The following DNPH1 variants were observed in gnomAD, a reference collection of about 807,000 sequenced individuals.
DNPH1 encodes the protein 5-hydroxymethyl-dUMP N-hydrolase.
DNPH1 carries 18 observed loss-of-function variants against 15.7 expected under a neutral mutation model. The observed-to-expected ratio is 1.15, with a 90% CI of 0.79 to 1.70. DNPH1 has a LOEUF of 1.70. Ranked by LOEUF, DNPH1 falls within the 40% of genes most tolerant of loss-of-function variation. The pLI is 0.00. For missense variants in DNPH1, 262 were observed against 255.2 expected (o/e 1.03, Z -0.18); for synonymous variants, 114 against 107.9 (o/e 1.06, Z -0.35).
chr6:43,226,557 A>C lies in DNPH1; in HGVS notation c.197-162T>G, dbSNP rs1776746691. 3.1e-6 allele frequency: 2 copies of C among 635,658 alleles called. No individual in the cohort carries two copies. The highest frequency in any genetic ancestry group is 3.7e-5 in the African/African-American group (2 of 54,296). The allele number at this position is 635,658 out of a possible 1,614,324, so 39.4% of individuals were successfully genotyped here. ...CTCATCAAAGCAGCGAGGAAATGGA[A>C]TAGCCACAAAAAGAAAAATTCAACC... On this transcript the variant is annotated intron_variant, in intron 1 of 3. Transcript: ENST00000230431. The surrounding 1 kb of genome is among the most constrained non-coding windows in gnomAD (Gnocchi z 4.1).
chr6:43,229,184 G>T (rs748134607), intron 1 of DNPH1, 77 bp downstream of exon 1: 19 of 1,269,938 alleles, frequency 1.5e-5, no homozygotes, highest in South Asian at 9.1e-5. Context: ...GGGTCGGGGG[G>T]GCGGACAGGC....
Position 43,226,613 on chromosome 6 carries a change from G to A in DNPH1, c.197-218C>T, listed in dbSNP as rs1776747830. ...CAAGGTGGGACATGTGATTAGGGCC[G>A]AATGAGGAACATCAGCAGCACTAAC... On this transcript the variant is annotated intron_variant, in intron 1 of 3. Transcript: ENST00000230431. The surrounding 1 kb of genome is among the most constrained non-coding windows in gnomAD (Gnocchi z 4.1). 3 of 554,616 alleles carry A rather than the reference G, an allele frequency of 5.4e-6. No homozygotes were observed. Among genetic ancestry groups the A allele is most frequent in the South Asian group, 2.4e-5 (1 of 41,552 alleles). 34.4% of individuals were successfully genotyped at this position (554,616 alleles called of 1,614,324 possible).
At position 43,226,176 on chromosome 6, in the gene DNPH1, T is replaced by C. The variant is rs1409993739; in HGVS notation, c.266-33A>G. The C allele has an allele frequency of 2.5e-6, 4 of 1,611,058 alleles. No individual in the cohort carries two copies. The highest frequency in any genetic ancestry group is 3.4e-6 in the Non-Finnish European group (4 of 1,179,464). ...GAAAGATGAGAGGAAGCCTCAGCAT[T>C]GGGGGCACTTGAGGTTCATAAGGAA... On this transcript the variant is annotated intron_variant, in intron 2 of 3. Coordinates refer to ENST00000230431, the MANE Select transcript of DNPH1 (RefSeq NM_006443.3). This position sits in a 1 kb window ranked among gnomAD's most constrained non-coding sequence, Gnocchi z 4.1.
Position 43,229,303 on chromosome 6 carries a change from C to A in DNPH1, c.154G>T (p.Val52Leu). 6.8e-7 allele frequency: 1 copy of A among 1,478,406 alleles called. No individual in the cohort carries two copies. The highest frequency in any genetic ancestry group is 3.0e-5 in the East Asian group (1 of 33,390). 91.6% of individuals were successfully genotyped at this position (1,478,406 alleles called of 1,614,324 possible). ...GCGGCCGCCACGTGCTCGGTGAGCA[C>A]TGTCCCGAATCGCCGCAGCCGAGAC... is the stretch of plus-strand genomic sequence containing the variant. ...IVSRLRRFGT[V>L]LTEHVAAAEL... Residue 52 changes from valine to leucine, a missense_variant, in exon 1 of 4, where the codon GTG (valine) becomes TTG (leucine). By Grantham distance (32) the Val-to-Leu change is conservative. Coordinates refer to ENST00000230431, the MANE Select transcript of DNPH1 (RefSeq NM_006443.3).
At position 43,229,232 on chromosome 6, in the gene DNPH1, CCCCGCGT is replaced by C. The variant is rs1172376516; in HGVS notation, c.196+22_196+28del. 1.8e-5 allele frequency: 23 copies of C among 1,310,056 alleles called. No individual in the cohort carries two copies. In the East Asian group the frequency reaches 6.8e-4, roughly 39 times the overall value. 81.2% of individuals were successfully genotyped at this position (1,310,056 alleles called of 1,614,324 possible). A position where few individuals can be genotyped will look rare whatever the true frequency, so the allele number is the denominator to read the frequency against. ...ACCCCAGCCAGGTCCGCGCCCGCGTCCCCGCGTCCCGCGGCCCCAGGGCCTCACCGCG... is the reference window on the plus strand; with the variant it reads ...ACCCCAGCCAGGTCCGCGCCCGCGTCCCCGCGGCCCCAGGGCCTCACCGCG... On this transcript the variant is annotated intron_variant, in intron 1 of 3. Coordinates refer to ENST00000230431, the MANE Select transcript of DNPH1 (RefSeq NM_006443.3).
Position 43,225,787 on chromosome 6 carries a change from GTA to G in DNPH1, c.469_470del (p.Tyr157LeufsTer4). ...EGEVEALLDR[Y>X]FEADPPGQVA... Reference sequence around the variant, plus strand: ...CCTGCCCTGGAGGATCAGCCTCGAAGTATCGATCCAGCAGGGCCTCCACCTCT... The same window carrying G: ...CCTGCCCTGGAGGATCAGCCTCGAAGTCGATCCAGCAGGGCCTCCACCTCT... On this transcript the variant is annotated frameshift_variant, in exon 4 of 4. Transcript: ENST00000230431. LOFTEE classifies it low-confidence loss of function (END_TRUNC). 6.2e-7 allele frequency: 1 copy of G among 1,614,190 alleles called. No homozygotes were observed. The highest frequency in any genetic ancestry group is 1.3e-5 in the African/African-American group (1 of 75,038).
intron 1 of DNPH1, among the ~76,000 whole-genome samples, chr6:43,228,446 G>C (rs961818334): frequency 7.0e-6 from 1 of 143,298 alleles, no homozygotes; most frequent in African/African-American, 2.6e-5. Flanking sequence ...AGAGGCCCTT[G>C]TATCAACAAA....
Position 43,225,715 on chromosome 6 carries a change from T to TAAG in DNPH1, c.*15_*17dup. 6.2e-7 allele frequency: 1 copy of TAAG among 1,613,532 alleles called. No individual in the cohort carries two copies. Among genetic ancestry groups the TAAG allele is most frequent in the Non-Finnish European group, 8.5e-7 (1 of 1,179,932 alleles). On this transcript the variant is annotated 3_prime_UTR_variant, in exon 4 of 4. Transcript: ENST00000230431. ...AGCAGTGTCTGAGAATAGAAGAATT[T>TAAG]AAGAAAGTGAGATTAAGTCAAGTGG... is the stretch of plus-strand genomic sequence containing the variant.
chr6:43,227,564 G>A (rs1468225000), intron 1 of DNPH1, among the ~76,000 whole-genome samples: 7 of 152,090 alleles, frequency 4.6e-5, no homozygotes, highest in Non-Finnish European at 5.9e-5. Context: ...AAGCTTCAGG[G>A]TCCTCCACTT....
At position 43,229,241 on chromosome 6, in the gene DNPH1, C is replaced by CCG. The variant is rs775060445; in HGVS notation, c.196+18_196+19dup. ...AGGTCCGCGCCCGCGTCCCCGCGTCCCGCGGCCCCAGGGCCTCACCGCGCG... is the reference window on the plus strand; with the variant it reads ...AGGTCCGCGCCCGCGTCCCCGCGTCCCGCGCGGCCCCAGGGCCTCACCGCGCG... On this transcript the variant is annotated intron_variant, in intron 1 of 3. Transcript: ENST00000230431. The CCG allele has an allele frequency of 4.8e-4, 631 of 1,324,808 alleles. No homozygotes were observed. The highest frequency in any genetic ancestry group is 5.8e-4 in the Non-Finnish European group (605 of 1,042,736). 82.1% of individuals were successfully genotyped at this position (1,324,808 alleles called of 1,614,324 possible). A position where few individuals can be genotyped will look rare whatever the true frequency, so the allele number is the denominator to read the frequency against.
Position 43,226,713 on chromosome 6 carries a change from G to A in DNPH1, c.197-318C>T. The A allele has an allele frequency of 2.6e-6, 1 of 389,236 alleles. No individual in the cohort carries two copies. Among genetic ancestry groups the A allele is most frequent in the Non-Finnish European group, 4.6e-6 (1 of 216,458 alleles). The allele number at this position is 389,236 out of a possible 1,614,324, so 24.1% of individuals were successfully genotyped here. On this transcript the variant is annotated intron_variant, in intron 1 of 3. Transcript: ENST00000230431. This position sits in a 1 kb window ranked among gnomAD's most constrained non-coding sequence, Gnocchi z 4.1. ...AGGAGAGGCATCCTAGGCCCAGAAGGTAGGGATCTCGGGTCTTAGCTTGAT... is the reference window on the plus strand; with the variant it reads ...AGGAGAGGCATCCTAGGCCCAGAAGATAGGGATCTCGGGTCTTAGCTTGAT...
At position 43,229,470 on chromosome 6, in the gene DNPH1, G is replaced by A; in HGVS notation, c.-14C>T. 1.6e-6 allele frequency: 2 copies of A among 1,284,598 alleles called. No individual in the cohort carries two copies. The highest frequency in any genetic ancestry group is 2.0e-6 in the Non-Finnish European group (2 of 1,018,366). 79.6% of individuals were successfully genotyped at this position (1,284,598 alleles called of 1,614,324 possible). A position where few individuals can be genotyped will look rare whatever the true frequency, so the allele number is the denominator to read the frequency against. ...GGCAGCAGCCATTCCCCAGCCGCCC[G>A]CGCTCTCCGGCGCCAGGGGGCGCCA... On this transcript the variant is annotated 5_prime_UTR_variant, in exon 1 of 4. Transcript: ENST00000230431.
rs962447775 is a variant in DNPH1, at chr6:43,226,877, C to T, written c.197-482G>A. 2.6e-5 allele frequency among the ~76,000 whole-genome samples: 4 copies of T among 151,858 alleles called. No homozygotes were observed. Among genetic ancestry groups the T allele is most frequent in the South Asian group, 2.1e-4 (1 of 4,814 alleles). ...ATCCCAGCACTTTGGGAGGCTGGGG[C>T]GGGTGGATCACTTGAGGTCAGGAGT... On this transcript the variant is annotated intron_variant, in intron 1 of 3. Transcript: ENST00000230431. This position sits in a 1 kb window ranked among gnomAD's most constrained non-coding sequence, Gnocchi z 4.1.
chr6:43,228,883 G>A (rs1206852136), intron 1 of DNPH1, among the ~76,000 whole-genome samples: 2 of 152,206 alleles, frequency 1.3e-5, no homozygotes, highest in Non-Finnish European at 1.5e-5. Flanking sequence ...GATACCTTTC[G>A]TGTTGGGTGG....
Position 43,225,806 on chromosome 6 carries a change from TCCA to T in DNPH1, c.449_451del (p.Val150del). The T allele has an allele frequency of 6.2e-7, 1 of 1,614,162 alleles. No homozygotes were observed. The highest frequency in any genetic ancestry group is 1.1e-5 in the South Asian group (1 of 91,074). On this transcript the variant is annotated inframe_deletion, in exon 4 of 4. Transcript: ENST00000230431. ...CTCGAAGTATCGATCCAGCAGGGCC[TCCA>T]CCTCTCCCTCCTCATAGTCCCACAC...
At chr6:43,228,290 C>G (rs957927676) in intron 1 of DNPH1, among the ~76,000 whole-genome samples, 2 of 151,724 alleles carry the variant, frequency 1.3e-5, no homozygotes, top group Non-Finnish European at 2.9e-5. Flanking sequence ...GACTCCCAAT[C>G]TCTACAGAAA....
rs957564718 is a variant in DNPH1 at position 43,229,246 on chromosome 6, G to T, written c.196+15C>A. On this transcript the variant is annotated intron_variant, in intron 1 of 3. Transcript: ENST00000230431. ...CGCGCCCGCGTCCCCGCGTCCCGCG[G>T]CCCCAGGGCCTCACCGCGCGCGCCC... 3 of 1,352,066 alleles carry T rather than the reference G, an allele frequency of 2.2e-6. No homozygotes were observed. Among genetic ancestry groups the T allele is most frequent in the Admixed American group, 3.8e-5 (1 of 26,332 alleles). 83.8% of individuals were successfully genotyped at this position (1,352,066 alleles called of 1,614,324 possible).
At chr6:43,225,955 GC>G in intron 3 of DNPH1, 74 bp from the exon 4 acceptor site, 1 of 1,613,324 alleles carries the variant, frequency 6.2e-7, no homozygotes, top group Non-Finnish European at 8.5e-7. Context: ...TGGGAGAGGC[GC>G]GGTGCTCAGA....
chr6:43,228,677 G>A (rs1776777770), intron 1 of DNPH1, among the ~76,000 whole-genome samples: 1 of 151,790 alleles, frequency 6.6e-6, no homozygotes, highest in African/African-American at 2.4e-5. Context: ...AATACAAAAA[G>A]TAGCCGGGTG....
Sources: allele counts gnomAD v4.1 joint callset (sites outside exome capture counted in the v4.1 genomes callset), GRCh38; gene constraint gnomAD v4.1.1; non-coding constraint Gnocchi (gnomAD v3.1); transcripts MANE v1.5; gene names NCBI Gene and HGNC (gene_info 2026-07-23, HGNC 2026-07-21).